UXS1: variants seen among roughly 807,000 people sequenced by gnomAD.
The protein encoded by UXS1 is UDP-glucuronate decarboxylase 1, also known as UDP-glucuronic acid decarboxylase 1.
In UXS1, 33 loss-of-function variants were observed where a neutral mutation model predicts 62.6. The ratio of observed to expected loss-of-function variants is 0.53; its 90% CI spans 0.40 to 0.70. The LOEUF (loss-of-function observed/expected upper bound fraction) is 0.70, where lower values mean the gene tolerates loss of function less well. Ranked by LOEUF, UXS1 falls within the 30% of genes least tolerant of loss-of-function variation. UXS1 has a pLI of 0.00. For synonymous variants in UXS1, 213 were observed against 206.8 expected, an observed-to-expected ratio of 1.03 and a Z score of -0.26; for missense variants, 434 against 556.3, an observed-to-expected ratio of 0.78 and a Z score of 2.21.
chr2:106,117,955 C>T (rs762390384), intron 9 of UXS1, among the ~76,000 whole-genome samples: 18 of 152,178 alleles, frequency 1.2e-4, no homozygotes, highest in Non-Finnish European at 2.2e-4. Context: ...AGGGGTGTGT[C>T]TGCATCTGTT....
intron 1 of UXS1, among the ~76,000 whole-genome samples, chr2:106,172,593 T>G (rs1173025831): frequency 6.6e-6 from 1 of 152,112 alleles, no homozygotes; most frequent in Non-Finnish European, 1.5e-5. Flanking sequence ...GGTGGAGCAG[T>G]GTGGATCTGA....
intron 9 of UXS1, among the ~76,000 whole-genome samples, chr2:106,113,847 A>C (rs534457094): frequency 7.2e-5 from 11 of 152,206 alleles, no homozygotes; most frequent in Non-Finnish European, 1.5e-4. Flanking sequence ...CAAGACTGGG[A>C]AAGAAGCAGT....
intron 13 of UXS1, chr2:106,097,594 G>C (rs112844618): frequency 8.2e-6 from 2 of 243,680 alleles, no homozygotes; most frequent in Non-Finnish European, 1.7e-5. Context: ...TTTCTCAAGC[G>C]TCAGCACGCA....
At chr2:106,159,948 T>C (rs1296173166) in intron 4 of UXS1, 3 of 152,094 alleles carry the variant, frequency 2.0e-5, no homozygotes, top group Non-Finnish European at 4.4e-5. Context: ...CAAAATCAGA[T>C]GGGAGAGTCT....
intron 6 of UXS1, among the ~76,000 whole-genome samples, chr2:106,140,190 G>A (rs918472197): frequency 2.0e-5 from 3 of 152,148 alleles, no homozygotes; most frequent in East Asian, 1.9e-4. Flanking sequence ...CTCAGCCCCC[G>A]GGAGCTGGGG....
At chr2:106,180,934 G>A (rs7587781) in intron 1 of UXS1, among the ~76,000 whole-genome samples, 149,230 of 152,348 alleles carry the variant, frequency 0.98, 73,149 homozygotes, top group South Asian at 1. Context: ...TTAAAGAGAT[G>A]TAGGCTCCAC....
intron 5 of UXS1, among the ~76,000 whole-genome samples, chr2:106,148,809 T>C (rs1299574344): frequency 6.6e-6 from 1 of 152,180 alleles, no homozygotes; most frequent in Non-Finnish European, 1.5e-5. Context: ...GGATATTCTT[T>C]GAATAACAAG....
At chr2:106,178,644 G>A (rs905784750) in intron 1 of UXS1, among the ~76,000 whole-genome samples, 2 of 152,246 alleles carry the variant, frequency 1.3e-5, no homozygotes, top group African/African-American at 4.8e-5. Flanking sequence ...GTGTGTGTGT[G>A]TATATATAGC....
At chr2:106,144,730 G>A (rs1192318720) in intron 6 of UXS1, among the ~76,000 whole-genome samples, 3 of 152,264 alleles carry the variant, frequency 2.0e-5, no homozygotes, top group Middle Eastern at 3.4e-3. Context: ...TTCTCGCCAC[G>A]TCCTCACACG....
chr2:106,125,773 A>G (rs1679888279), intron 7 of UXS1, 94 bp from the exon 8 acceptor site: 1 of 1,058,098 alleles, frequency 9.5e-7, no homozygotes, highest in Non-Finnish European at 1.3e-6. Context: ...AGTATTAAAG[A>G]CATTTAATTA....
intron 1 of UXS1, among the ~76,000 whole-genome samples, chr2:106,186,223 T>C (rs1032630161): frequency 2.6e-5 from 4 of 152,174 alleles, no homozygotes; most frequent in East Asian, 1.9e-4. Flanking sequence ...ACAGATTGCA[T>C]ACTGCAAAAA....
chr2:106,123,547 C>G (rs1679696043), intron 8 of UXS1, among the ~76,000 whole-genome samples: 1 of 152,164 alleles, frequency 6.6e-6, no homozygotes. Flanking sequence ...CAGAACAAAT[C>G]TGGGACCCGT....
At chr2:106,157,113 T>G (rs1682496933) in intron 5 of UXS1, among the ~76,000 whole-genome samples, 1 of 151,968 alleles carries the variant, frequency 6.6e-6, no homozygotes, top group African/African-American at 2.4e-5. Context: ...AAGGGGAAAA[T>G]GGAGAGTGAC....
chr2:106,136,979 A>G (rs1354874735), intron 6 of UXS1, among the ~76,000 whole-genome samples: 1 of 148,276 alleles, frequency 6.7e-6, no homozygotes, highest in Non-Finnish European at 1.5e-5. Context: ...AAAAAAAAAA[A>G]AAAAAAAGAA....
chr2:106,097,686 C>G, intron 13 of UXS1: 1 of 187,880 alleles, frequency 5.3e-6, no homozygotes, highest in Non-Finnish European at 1.1e-5. Flanking sequence ...ATTTCTAACA[C>G]ACATCTGATG....
In UXS1 at chr2:106,122,994, G is replaced by A. The variant is rs1423776409; in HGVS notation, c.735C>T (p.Thr245=). 3 of 1,613,890 alleles carry A rather than the reference G, an allele frequency of 1.9e-6. No individual in the cohort carries two copies. In the South Asian group the frequency reaches 3.3e-5, roughly 18 times the overall value. Residue 245 remains threonine, a synonymous_variant, in exon 9 of 15, where the codon ACC becomes ACT. Coordinates refer to ENST00000283148, the MANE Select transcript of UXS1 (RefSeq NM_001253875.2). ...CCTGCTTCATGTAGGCATAGCACATGGTCTCTGCAACACGTTTGCCTTCAT... is the reference window on the plus strand; with the variant it reads ...CCTGCTTCATGTAGGCATAGCACATAGTCTCTGCAACACGTTTGCCTTCAT... ...CYDEGKRVAE[T]MCYAYMKQEG... is the part of the protein sequence containing the mutation.
chr2:106,096,965 G>A, intron 13 of UXS1, 144 bp from the exon 14 acceptor site: 1 of 820,320 alleles, frequency 1.2e-6, no homozygotes, highest in South Asian at 1.4e-5. Context: ...AGAAGCCCCG[G>A]AGCTCCCGAG....
chr2:106,123,907 C>A (rs993222762), intron 8 of UXS1, among the ~76,000 whole-genome samples: 12 of 152,308 alleles, frequency 7.9e-5, no homozygotes, highest in African/African-American at 2.9e-4. Context: ...TCTTGTTTAT[C>A]TTACCCCTGA....
intron 1 of UXS1, among the ~76,000 whole-genome samples, chr2:106,171,528 A>G (rs1388871775): frequency 6.6e-6 from 1 of 152,210 alleles, no homozygotes; most frequent in East Asian, 1.9e-4. Flanking sequence ...ATGAAAAACC[A>G]TCAATTCAGA....
Sources: gnomAD v4.1 joint callset for allele counts (sites outside exome capture counted in the v4.1 genomes callset) on GRCh38, gnomAD v4.1.1 for gene constraint, MANE v1.5 for transcripts, NCBI Gene and HGNC (gene_info 2026-07-23, HGNC 2026-07-21) for gene names.